TPD52: variants seen among roughly 807,000 people sequenced by gnomAD.
The protein encoded by TPD52 is prostate and colon associated protein.
TPD52 carries 17 observed loss-of-function variants against 31.3 expected under a neutral mutation model. That is an observed-to-expected ratio of 0.54 (90% CI 0.37 to 0.82). The LOEUF (loss-of-function observed/expected upper bound fraction) is 0.82. Ranked by LOEUF, TPD52 falls within the 40% of genes least tolerant of loss-of-function variation. The probability of loss-of-function intolerance (pLI) is 0.00; values close to 1 mark genes in which losing one functional copy is unlikely to be tolerated. For missense variants in TPD52, 212 were observed against 240.1 expected (o/e 0.88, Z 0.77); for synonymous variants, 83 against 89.6 (o/e 0.93, Z 0.42).
intron 1 of TPD52, among the ~76,000 whole-genome samples, chr8:80,166,170 T>C (rs1214936171): frequency 6.6e-6 from 1 of 152,022 alleles, no homozygotes; most frequent in African/African-American, 2.4e-5. Flanking sequence ...AGAAAAATTA[T>C]GGCGTGGAGG....
At chr8:80,120,748 G>A (rs1375584854) in intron 1 of TPD52, among the ~76,000 whole-genome samples, 1 of 152,056 alleles carries the variant, frequency 6.6e-6, no homozygotes, top group Non-Finnish European at 1.5e-5. Flanking sequence ...GTTGCCTTAT[G>A]TCTTATAACA....
chr8:80,156,684 A>T (rs1810994120), intron 1 of TPD52, among the ~76,000 whole-genome samples: 1 of 152,184 alleles, frequency 6.6e-6, no homozygotes, highest in Non-Finnish European at 1.5e-5. Context: ...AGAAATGAGC[A>T]TGGAATGTGA....
At chr8:80,080,487 C>T (rs757222593) in intron 1 of TPD52, 12 of 1,610,138 alleles carry the variant, frequency 7.5e-6, no homozygotes, top group East Asian at 2.2e-5. Context: ...GCTGTCTAAT[C>T]GCCTGATATC....
intron 1 of TPD52, among the ~76,000 whole-genome samples, chr8:80,087,726 A>T (rs2130866262): frequency 6.6e-6 from 1 of 152,244 alleles, no homozygotes; most frequent in East Asian, 1.9e-4. Context: ...TACAGAAAAG[A>T]AGTCTCCCCA....
At chr8:80,105,932 A>G (rs1400992292) in intron 1 of TPD52, among the ~76,000 whole-genome samples, 1 of 152,018 alleles carries the variant, frequency 6.6e-6, no homozygotes, top group Non-Finnish European at 1.5e-5. Context: ...GGGTTTCGCC[A>G]TGTACCCTTA....
At chr8:80,062,819 A>G (rs1203846435) in intron 2 of TPD52, among the ~76,000 whole-genome samples, 1 of 152,048 alleles carries the variant, frequency 6.6e-6, no homozygotes, top group Non-Finnish European at 1.5e-5. Context: ...AAATTAAAAA[A>G]TTTGCCAGGC....
intron 1 of TPD52, among the ~76,000 whole-genome samples, chr8:80,120,959 G>A (rs953923059): frequency 2.0e-5 from 3 of 151,908 alleles, no homozygotes; most frequent in East Asian, 1.9e-4. Context: ...GCATGTGCCT[G>A]TAGTCCCAGC....
intron 1 of TPD52, among the ~76,000 whole-genome samples, chr8:80,110,060 C>T (rs1807397245): frequency 6.6e-6 from 1 of 152,188 alleles, no homozygotes; most frequent in South Asian, 2.1e-4. Flanking sequence ...AACTGCAAAC[C>T]AGGAAAATAT....
In TPD52 at chr8:80,035,333, A is replaced by C. The variant is rs995061674; in HGVS notation, c.*2783T>G. ...TTCTGACAAATGACCTTAATGTAGG[A>C]TCTCTTTGGACACATCTTCAGCAAG... On this transcript the variant is annotated 3_prime_UTR_variant, in exon 8 of 8. Coordinates refer to ENST00000518937, the MANE Select transcript of TPD52 (RefSeq NM_001025253.3). 2.6e-5 allele frequency: 4 copies of C among 152,198 alleles called. No homozygotes were observed. Among genetic ancestry groups the C allele is most frequent in the African/African-American group, 9.7e-5 (4 of 41,448 alleles). The allele number at this position is 152,198 out of a possible 1,614,324, so 9.4% of individuals were successfully genotyped here. A position where few individuals can be genotyped will look rare whatever the true frequency, so the allele number is the denominator to read the frequency against.
intron 1 of TPD52, among the ~76,000 whole-genome samples, chr8:80,126,556 A>C (rs1200689545): frequency 1.4e-5 from 2 of 145,522 alleles, no homozygotes; most frequent in Non-Finnish European, 3.0e-5. Context: ...ATTTCGGCTC[A>C]CTGCAACCTC....
chr8:80,139,899 C>A (rs1809706167), intron 1 of TPD52, among the ~76,000 whole-genome samples: 1 of 152,150 alleles, frequency 6.6e-6, no homozygotes, highest in African/African-American at 2.4e-5. Context: ...AGCTAGGGGA[C>A]CCCACCCGGC....
rs140131055 is a variant in TPD52 at position 80,062,608 on chromosome 8, T to C, written c.135+1870A>G. ...AATGTTGCCAGGGATGTGGGGAAATTGCTGATGGGAATATTAAATGGTGTT... is the reference window on the plus strand; with the variant it reads ...AATGTTGCCAGGGATGTGGGGAAATCGCTGATGGGAATATTAAATGGTGTT... On this transcript the variant is annotated intron_variant, in intron 2 of 7. Coordinates refer to ENST00000518937, the MANE Select transcript of TPD52 (RefSeq NM_001025253.3). 3.6e-3 allele frequency among the ~76,000 whole-genome samples: 546 copies of C among 152,186 alleles called. 3 individuals carry two copies. Among genetic ancestry groups the C allele is most frequent in the Middle Eastern group, 6.8e-3 (2 of 294 alleles).
intron 1 of TPD52, among the ~76,000 whole-genome samples, chr8:80,166,888 A>G (rs891315328): frequency 3.9e-5 from 6 of 152,162 alleles, no homozygotes; most frequent in African/African-American, 1.4e-4. Flanking sequence ...CCTGGGTGGC[A>G]GAGCGAGACA....
intron 1 of TPD52, among the ~76,000 whole-genome samples, chr8:80,135,677 G>A (rs1345279258): frequency 6.7e-6 from 1 of 149,874 alleles, no homozygotes; most frequent in Non-Finnish European, 1.5e-5. Context: ...AAAGACACAT[G>A]CACACGTATG....
chr8:80,034,507 C>T (rs982739680), downstream of TPD52, among the ~76,000 whole-genome samples: 5 of 152,152 alleles, frequency 3.3e-5, no homozygotes, highest in African/African-American at 1.2e-4. Context: ...CTGGAGATAC[C>T]GGTTGGGAAG....
rs141089311 is a variant in TPD52, at chr8:80,051,569, G to A, written c.344C>T (p.Ser115Leu). The A allele has an allele frequency of 1.3e-5, 21 of 1,613,258 alleles. No homozygotes were observed. In the African/African-American group the frequency reaches 1.5e-4, roughly 11 times the overall value. The change falls in exon 4 of 8, where the codon TCG becomes TTG. Residue 115 changes from serine to leucine, a missense_variant. Physicochemically the swap from Ser to Leu is moderately radical, Grantham distance 145. Transcript: ENST00000518937. Reference sequence around the variant, plus strand: ...TTTGGTGATGACTGAGCCAACAGACGAAAAAGCAGCTGAGGCCTTCTGTCC... The same window carrying A: ...TTTGGTGATGACTGAGCCAACAGACAAAAAAGCAGCTGAGGCCTTCTGTCC... ...QAGQKASAAF[S>L]SVGSVITKKL...
intron 1 of TPD52, among the ~76,000 whole-genome samples, chr8:80,162,897 G>A (rs1247654733): frequency 6.6e-6 from 1 of 151,966 alleles, no homozygotes; most frequent in Non-Finnish European, 1.5e-5. Context: ...CTGCACTCCA[G>A]CCTGGGTGAC....
At chr8:80,079,113 T>G (rs902303915) in intron 1 of TPD52, among the ~76,000 whole-genome samples, 30 of 152,188 alleles carry the variant, frequency 2.0e-4, no homozygotes, top group Non-Finnish European at 3.5e-4. Context: ...TTCCCCATTC[T>G]GTGTGGCCCC....
intron 2 of TPD52, among the ~76,000 whole-genome samples, chr8:80,054,841 C>T (rs529601774): frequency 4.6e-5 from 7 of 152,140 alleles, no homozygotes; most frequent in African/African-American, 1.7e-4. Context: ...ATCCCCTGTG[C>T]TTGTCAGAGT....
Sources: allele counts gnomAD v4.1 joint callset (sites outside exome capture counted in the v4.1 genomes callset), GRCh38; gene constraint gnomAD v4.1.1; transcripts MANE v1.5; gene names NCBI Gene and HGNC (gene_info 2026-07-23, HGNC 2026-07-21).